NBEAL1: variants seen among roughly 807,000 people sequenced by gnomAD.
NBEAL1 encodes neurobeachin-like protein 1.
Under a neutral mutation model 351.3 loss-of-function variants are expected in NBEAL1, and 273 were observed. The observed-to-expected ratio is 0.78, with a 90% CI of 0.70 to 0.86. NBEAL1 has a LOEUF of 0.86. Ranked by LOEUF, NBEAL1 falls within the 40% of genes least tolerant of loss-of-function variation. The pLI, the probability that NBEAL1 is intolerant of heterozygous loss-of-function variation, is 0.00. For missense variants in NBEAL1, 2,961 were observed against 3,201.3 expected, an observed-to-expected ratio of 0.92 and a Z score of 1.81; for synonymous variants, 1,050 against 1,086.4, an observed-to-expected ratio of 0.97 and a Z score of 0.66.
intron 52 of NBEAL1, 60 bp downstream of exon 52, chr2:203,208,813 T>TA: frequency 1.5e-6 from 2 of 1,304,652 alleles, no homozygotes; most frequent in East Asian, 2.4e-5. Flanking sequence ...TACCAACACT[T>TA]ATAACTAAAA....
chr2:203,164,877 T>C (rs1044280483), intron 36 of NBEAL1, among the ~76,000 whole-genome samples: 1 of 151,552 alleles, frequency 6.6e-6, no homozygotes, highest in African/African-American at 2.4e-5. Context: ...TTTTTTTTTT[T>C]TGAGATGGAG....
intron 2 of NBEAL1, among the ~76,000 whole-genome samples, chr2:203,029,519 C>T (rs189549200): frequency 8.1e-4 from 123 of 152,160 alleles, no homozygotes; most frequent in Admixed American, 1.5e-3. Flanking sequence ...ATGATGAAAC[C>T]TGCCTCTACA....
chr2:203,110,264 T>C lies in NBEAL1; in HGVS notation c.2064T>C (p.Ser688=). The C allele has an allele frequency of 6.4e-7, 1 of 1,552,318 alleles. No individual in the cohort carries two copies. The highest frequency in any genetic ancestry group is 8.7e-7 in the Non-Finnish European group (1 of 1,146,936). ...EYATVMLPDH[S]FCDSLWHNIT... is the part of the protein sequence containing the mutation. The stretch of plus-strand genomic sequence containing the variant: ...CAACGGTTATGCTTCCTGACCACAG[T>C]TTCTGTGATTCCCTCTGGGTAAGGC... The change falls in exon 15 of 56, where the codon AGT becomes AGC. Residue 688 remains serine, a synonymous_variant. Coordinates refer to ENST00000683969, the MANE Select transcript of NBEAL1 (RefSeq NM_001378026.1).
At chr2:203,085,533 G>A (rs976861353) in intron 10 of NBEAL1, 1 of 152,118 alleles carries the variant, frequency 6.6e-6, no homozygotes, top group Non-Finnish European at 1.5e-5. Flanking sequence ...GTTTCAGAGC[G>A]AGAGTTTCAG....
intron 4 of NBEAL1, among the ~76,000 whole-genome samples, chr2:203,055,162 C>T (rs2106088368): frequency 6.6e-6 from 1 of 152,170 alleles, no homozygotes; most frequent in Admixed American, 6.5e-5. Flanking sequence ...AAAGTTTTGT[C>T]CATGTTTTCT....
Position 203,213,636 on chromosome 2 carries a change from G to T in NBEAL1, c.8053G>T (p.Val2685Phe), listed in dbSNP as rs771236297. The T allele has an allele frequency of 3.1e-6, 5 of 1,613,912 alleles. No homozygotes were observed. The South Asian group carries it at 5.5e-5, about 18-fold the overall frequency. ...AGATGGCAAATTGATTGTAGTGGGT[G>T]TTGGCAAGCCTGCTGAGGTAAAACC... Reference protein sequence around the residue: ...LEDGKLIVVGVGKPAEMRSGQ... With the variant: ...LEDGKLIVVGFGKPAEMRSGQ... The change falls in exon 55 of 56, where the codon GTT (valine) becomes TTT (phenylalanine). Residue 2685 changes from valine to phenylalanine, a missense_variant. Physicochemically the swap from Val to Phe is conservative, Grantham distance 50. Coordinates refer to ENST00000683969, the MANE Select transcript of NBEAL1 (RefSeq NM_001378026.1).
chr2:203,095,058 A>C (rs951329828), intron 10 of NBEAL1, among the ~76,000 whole-genome samples: 4 of 151,902 alleles, frequency 2.6e-5, no homozygotes, highest in Non-Finnish European at 5.9e-5. Context: ...CAGGAGGTGG[A>C]GGTTGCGGTG....
intron 31 of NBEAL1, among the ~76,000 whole-genome samples, chr2:203,143,110 A>G (rs932546513): frequency 6.6e-6 from 1 of 152,230 alleles, no homozygotes; most frequent in Non-Finnish European, 1.5e-5. Context: ...GGGAAGTAAT[A>G]TAGATCCAAG....
At chr2:203,197,896 CGA>C (rs2065283398) in intron 48 of NBEAL1, among the ~76,000 whole-genome samples, 1 of 151,462 alleles carries the variant, frequency 6.6e-6, no homozygotes, top group South Asian at 2.1e-4. Flanking sequence ...GTGACAAGAG[CGA>C]GACTCCTTCT....
intron 31 of NBEAL1, among the ~76,000 whole-genome samples, chr2:203,143,208 A>G (rs2063425027): frequency 6.6e-6 from 1 of 152,164 alleles, no homozygotes; most frequent in African/African-American, 2.4e-5. Context: ...GTAGCCAAGG[A>G]AAAAGGAAAC....
chr2:203,218,345 G>A lies in NBEAL1; in HGVS notation c.*991G>A, dbSNP rs1200695419. ...TTATATAGTGTTAAATGTTGTGGTTGATTATTAAGATCTTAAAGTAAAAGT... is the reference window on the plus strand; with the variant it reads ...TTATATAGTGTTAAATGTTGTGGTTAATTATTAAGATCTTAAAGTAAAAGT... On this transcript the variant is annotated 3_prime_UTR_variant, in exon 56 of 56. Coordinates refer to ENST00000683969, the MANE Select transcript of NBEAL1 (RefSeq NM_001378026.1). The A allele has an allele frequency of 6.6e-6, 1 of 151,992 alleles. No homozygotes were observed. The allele number at this position is 151,992 out of a possible 1,614,324, so 9.4% of individuals were successfully genotyped here.
chr2:203,066,243 A>G (rs1298580656), intron 6 of NBEAL1, among the ~76,000 whole-genome samples: 3 of 152,142 alleles, frequency 2.0e-5, no homozygotes, highest in South Asian at 2.1e-4. Context: ...CAATCTATTA[A>G]TACCATAATT....
intron 40 of NBEAL1, among the ~76,000 whole-genome samples, 192 bp from the exon 41 acceptor site, chr2:203,172,535 GAA>G (rs2064354907): frequency 6.6e-6 from 1 of 151,876 alleles, no homozygotes; most frequent in Admixed American, 6.6e-5. Context: ...AAAAAGAAAA[GAA>G]AAGATTCCAG....
At chr2:203,142,158 A>AT (rs996853624) in intron 31 of NBEAL1, among the ~76,000 whole-genome samples, 13 of 151,024 alleles carry the variant, frequency 8.6e-5, no homozygotes, top group East Asian at 3.9e-4. Flanking sequence ...GGGCATCAGT[A>AT]TTTTTTTTTG....
rs767739099 is a variant in NBEAL1, at chr2:203,084,578, CTAT to C, written c.1098+14_1098+16del. 8.4e-6 allele frequency: 12 copies of C among 1,428,388 alleles called. No homozygotes were observed. The highest frequency in any genetic ancestry group is 1.5e-5 in the African/African-American group (1 of 68,326). 88.5% of individuals were successfully genotyped at this position (1,428,388 alleles called of 1,614,324 possible). On this transcript the variant is annotated intron_variant, in intron 10 of 55. Transcript: ENST00000683969. ...TGCTACAGAACTGCAAGGTATTTTT[CTAT>C]TATTGTTGTTGTCTTTGATTTTAAG...
rs2106110057 is a variant in NBEAL1, at chr2:203,062,590, G to T, written c.515+5137G>T. The T allele has an allele frequency of 5.8e-6, 1 of 171,552 alleles. No individual in the cohort carries two copies. Among genetic ancestry groups the T allele is most frequent in the South Asian group, 1.2e-4 (1 of 8,220 alleles). 10.6% of individuals were successfully genotyped at this position (171,552 alleles called of 1,614,324 possible). ...TTTATATACTATTAATATAATATAGGAAGATAATTCTGCATATGTAAGATG... is the reference window on the plus strand; with the variant it reads ...TTTATATACTATTAATATAATATAGTAAGATAATTCTGCATATGTAAGATG... On this transcript the variant is annotated intron_variant, in intron 6 of 55. Transcript: ENST00000683969. This position sits in a 1 kb window ranked among gnomAD's most constrained non-coding sequence, Gnocchi z 4.2.
At chr2:203,202,478 G>A (rs182781331) in intron 50 of NBEAL1, among the ~76,000 whole-genome samples, 4 of 152,262 alleles carry the variant, frequency 2.6e-5, no homozygotes, top group African/African-American at 9.6e-5. Flanking sequence ...CTCAGAGAAG[G>A]GGGATTTCAA....
intron 5 of NBEAL1, among the ~76,000 whole-genome samples, chr2:203,056,740 G>C (rs1331608521): frequency 6.6e-6 from 1 of 152,112 alleles, no homozygotes; most frequent in Non-Finnish European, 1.5e-5. Flanking sequence ...GCTAACTTTT[G>C]TATTTTTAGT....
intron 31 of NBEAL1, among the ~76,000 whole-genome samples, chr2:203,140,473 T>C (rs2063338323): frequency 6.6e-6 from 1 of 152,150 alleles, no homozygotes; most frequent in African/African-American, 2.4e-5. Flanking sequence ...TTCTTTTTCT[T>C]ACTATTATAT....
Sources: allele counts gnomAD v4.1 joint callset (sites outside exome capture counted in the v4.1 genomes callset), GRCh38; gene constraint gnomAD v4.1.1; non-coding constraint Gnocchi (gnomAD v3.1); transcripts MANE v1.5; gene names NCBI Gene and HGNC (gene_info 2026-07-23, HGNC 2026-07-21).